Variants in CHUK observed in about 807,000 individuals in gnomAD.
The protein encoded by CHUK is component of inhibitor of nuclear factor kappa B kinase complex, also known as inhibitor of nuclear factor kappa-B kinase subunit alpha.
A neutral mutation model predicts 104.8 loss-of-function variants in CHUK; 35 were observed. The ratio of observed to expected loss-of-function variants is 0.33; its 90% CI spans 0.26 to 0.44. CHUK has a LOEUF of 0.44. CHUK is among the 20% of genes least tolerant of loss of function. The probability of loss-of-function intolerance (pLI) is 1.00; values close to 1 mark genes in which losing one functional copy is unlikely to be tolerated. For synonymous variants in CHUK, 276 were observed against 291.9 expected, an observed-to-expected ratio of 0.95 and a Z score of 0.56; for missense variants, 663 against 902.7, an observed-to-expected ratio of 0.73 and a Z score of 3.40.
intron 9 of CHUK, among the ~76,000 whole-genome samples, chr10:100,214,550 A>C (rs929038176): frequency 6.6e-6 from 1 of 152,238 alleles, no homozygotes; most frequent in Non-Finnish European, 1.5e-5. Context: ...CTTTAGGCAG[A>C]AAACAAGGTG....
At chr10:100,222,335 G>T (rs1446062102) in intron 3 of CHUK, among the ~76,000 whole-genome samples, 154 bp from the exon 4 acceptor site, 3 of 151,886 alleles carry the variant, frequency 2.0e-5, no homozygotes, top group Non-Finnish European at 2.9e-5. Context: ...CCATACTGAG[G>T]GCATGTAAAT....
chr10:100,187,460 T>G (rs1845070472), downstream of CHUK: 1 of 152,224 alleles, frequency 6.6e-6, no homozygotes, highest in Admixed American at 6.5e-5. Flanking sequence ...TAAATGATAT[T>G]TGCAGAGCTT....
At chr10:100,188,022 A>G (rs1564826263), downstream of CHUK, 1 of 152,210 alleles carries the variant, frequency 6.6e-6, no homozygotes, top group Non-Finnish European at 1.5e-5. Context: ...GAGACTGCCT[A>G]TTATAATAGA....
At chr10:100,226,837 G>GA (rs1239619650) in intron 1 of CHUK, among the ~76,000 whole-genome samples, 2 of 152,162 alleles carry the variant, frequency 1.3e-5, no homozygotes, top group African/African-American at 4.8e-5. Context: ...GGCCAGGACA[G>GA]AAAAAATATA....
At chr10:100,196,683 G>A (rs1177738085) in intron 16 of CHUK, among the ~76,000 whole-genome samples, 2 of 152,114 alleles carry the variant, frequency 1.3e-5, no homozygotes, top group Non-Finnish European at 2.9e-5. Context: ...TCACAGGTAT[G>A]AGCCACCTGG....
Position 100,204,554 on chromosome 10 carries a change from T to G in CHUK, c.1459A>C (p.Ile487Leu). The G allele has an allele frequency of 6.2e-7, 1 of 1,613,708 alleles. No individual in the cohort carries two copies. Among genetic ancestry groups the G allele is most frequent in the Non-Finnish European group, 8.5e-7 (1 of 1,179,672 alleles). The change falls in exon 13 of 21, where the codon ATT becomes CTT. Residue 487 changes from isoleucine (I) to leucine (L), a missense_variant. Physicochemically the swap from Ile to Leu is conservative, Grantham distance 5 (BLOSUM62 2). Around this residue, in one of 5 missense-constraint regions of CHUK, gnomAD observed 311 missense variants for 393.4 expected, o/e 0.79. Coordinates refer to ENST00000370397, the MANE Select transcript of CHUK (RefSeq NM_001278.5). ...CTGTATCTCTCCAAGTCAAGCTGAA[T>G]GCTTTTGTGAAAAAACTCCAATTTA... ...KAKLEFFHKS[I>L]QLDLERYSEQ...
intron 9 of CHUK, among the ~76,000 whole-genome samples, chr10:100,216,231 G>A (rs1290670315): frequency 2.0e-5 from 3 of 152,168 alleles, no homozygotes; most frequent in African/African-American, 4.8e-5. Context: ...GCGAGATGTG[G>A]TTCATTCACA....
intron 9 of CHUK, among the ~76,000 whole-genome samples, chr10:100,216,071 G>C (rs1845848282): frequency 1.3e-5 from 2 of 152,134 alleles, no homozygotes; most frequent in South Asian, 4.1e-4. Flanking sequence ...TCACAGATAG[G>C]TAAATAGTGG....
At position 100,229,540 on chromosome 10, in the gene CHUK, G is replaced by C. The variant is rs1227967807; in HGVS notation, c.-8C>G. ...CCCCGGGGGCCGCTCCATGGGGCGG[G>C]AGGGCAAGCGGCCTCAGGTTCCACA... is the stretch of plus-strand genomic sequence containing the variant. On this transcript the variant is annotated 5_prime_UTR_variant, in exon 1 of 21. Coordinates refer to ENST00000370397, the MANE Select transcript of CHUK (RefSeq NM_001278.5). The C allele has an allele frequency of 3.3e-6, 5 of 1,518,940 alleles. No homozygotes were observed. The highest frequency in any genetic ancestry group is 4.4e-6 in the Non-Finnish European group (5 of 1,133,212). The allele number at this position is 1,518,940 out of a possible 1,614,324, so 94.1% of individuals were successfully genotyped here. A position where few individuals can be genotyped will look rare whatever the true frequency, so the allele number is the denominator to read the frequency against.
At position 100,211,274 on chromosome 10, in the gene CHUK, ATATTT is replaced by A. The variant is rs758049248; in HGVS notation, c.934-1490_934-1486del. On this transcript the variant is annotated intron_variant, in intron 9 of 20. Transcript: ENST00000370397. ...CCTGATTTATTGCTTTATCTTTTAC[ATATTT>A]TATTTTGTGACAATTTAATTTGACA... Among the ~76,000 whole-genome samples the A allele has an allele frequency of 1.0e-3, 152 of 152,196 alleles. 1 individual carries two copies. Among genetic ancestry groups the A allele is most frequent in the Non-Finnish European group, 2.0e-3 (135 of 68,012 alleles).
chr10:100,193,867 C>T, intron 18 of CHUK, 117 bp downstream of exon 18: 1 of 890,066 alleles, frequency 1.1e-6, no homozygotes, highest in Non-Finnish European at 1.8e-6. Context: ...TGGATGTCAT[C>T]CCAATGCAAA....
chr10:100,193,561 C>G (rs1272686386), intron 18 of CHUK, 130 bp from the exon 19 acceptor site: 1 of 1,081,990 alleles, frequency 9.2e-7, no homozygotes, highest in East Asian at 2.5e-5. Context: ...TATTTCAGTA[C>G]AAAACTATTC....
intron 15 of CHUK, 25 bp from the exon 16 acceptor site, chr10:100,200,045 A>G (rs1379119114): frequency 7.7e-6 from 12 of 1,565,150 alleles, no homozygotes; most frequent in African/African-American, 1.4e-5. Flanking sequence ...ACACGCTCTG[A>G]TAAGTGAAGG....
intron 20 of CHUK, 77 bp downstream of exon 20, chr10:100,190,792 A>G (rs1845178652): frequency 2.4e-6 from 2 of 848,066 alleles, no homozygotes; most frequent in African/African-American, 1.7e-5. Flanking sequence ...CAAATGCCAG[A>G]TAAGGCTAGC....
intron 20 of CHUK, chr10:100,190,633 C>T: frequency 1.9e-6 from 1 of 533,132 alleles, no homozygotes; most frequent in Non-Finnish European, 3.4e-6. Context: ...GCTTACCACT[C>T]ATTTAATTTG....
At chr10:100,200,266 A>C (rs1845431107) in intron 15 of CHUK, among the ~76,000 whole-genome samples, 1 of 152,196 alleles carries the variant, frequency 6.6e-6, no homozygotes, top group South Asian at 2.1e-4. Flanking sequence ...CAGACACTTA[A>C]AAAGACAAAA....
intron 14 of CHUK, 64 bp from the exon 15 acceptor site, chr10:100,200,844 T>C: frequency 1.1e-6 from 1 of 879,190 alleles, no homozygotes. Context: ...GAAACAAAAT[T>C]CAGATCTTAA....
chr10:100,191,415 ATCTGT>A (rs1845199857), intron 19 of CHUK, among the ~76,000 whole-genome samples: 1 of 152,226 alleles, frequency 6.6e-6, no homozygotes, highest in African/African-American at 2.4e-5. Flanking sequence ...GAAAAGTAAA[ATCTGT>A]TCTGTAGAGA....
chr10:100,228,547 T>C (rs1319018373), intron 1 of CHUK, among the ~76,000 whole-genome samples: 1 of 151,798 alleles, frequency 6.6e-6, no homozygotes, highest in Non-Finnish European at 1.5e-5. Flanking sequence ...TCCCAGCTAC[T>C]CAGGAGGCTG....
Sources: allele counts gnomAD v4.1 joint callset (sites outside exome capture counted in the v4.1 genomes callset), GRCh38; gene constraint gnomAD v4.1.1; regional missense constraint gnomAD v4.1.1; transcripts MANE v1.5; gene names NCBI Gene and HGNC (gene_info 2026-07-23, HGNC 2026-07-21).